The following SLC17A1 variants were observed in gnomAD, a reference collection of about 807,000 sequenced individuals.
SLC17A1 encodes solute carrier family 17 member 1, also known as sodium-dependent phosphate transport protein 1.
A neutral mutation model predicts 53.5 loss-of-function variants in SLC17A1; 51 were observed. The observed-to-expected ratio is 0.95, with a 90% CI of 0.76 to 1.20. The LOEUF is 1.20. Among genes scored for constraint, SLC17A1 ranks in the 50% most tolerant of loss-of-function variants. The probability of loss-of-function intolerance (pLI) is 0.00; values close to 1 mark genes in which losing one functional copy is unlikely to be tolerated. For synonymous variants in SLC17A1, 179 were observed against 198.8 expected (o/e 0.90, Z 0.84); for missense variants, 538 against 568.2 (o/e 0.95, Z 0.54).
intron 12 of SLC17A1, among the ~76,000 whole-genome samples, chr6:25,785,622 T>C (rs995406482): frequency 6.6e-6 from 1 of 152,136 alleles, no homozygotes; most frequent in Non-Finnish European, 1.5e-5. Flanking sequence ...CAATACACTC[T>C]TATAACCCAA....
intron 2 of SLC17A1, among the ~76,000 whole-genome samples, chr6:25,827,684 C>T (rs182133875): frequency 1.3e-5 from 2 of 152,164 alleles, no homozygotes; most frequent in African/African-American, 2.4e-5. Context: ...TGCATAATTT[C>T]GCTATTTAAG....
chr6:25,822,233 T>A (rs1440455416), intron 3 of SLC17A1, among the ~76,000 whole-genome samples: 4 of 152,146 alleles, frequency 2.6e-5, no homozygotes, highest in Non-Finnish European at 4.4e-5. Context: ...TTATTTCGTC[T>A]TTTTTTCTAA....
the SLC17A1 span, among the ~76,000 whole-genome samples, chr6:25,733,875 A>G: frequency 6.6e-6 from 1 of 150,892 alleles, no homozygotes; most frequent in Non-Finnish European, 1.5e-5. Context: ...GCTGGAGTGC[A>G]GTGGTACAAT....
At chr6:25,726,698 G>C in the SLC17A1 span, 1 of 1,067,344 alleles carries the variant, frequency 9.4e-7, no homozygotes. Flanking sequence ...ACTTCCCATT[G>C]TCCAATCAGA....
intron 10 of SLC17A1, among the ~76,000 whole-genome samples, chr6:25,808,553 A>G (rs1361700016): frequency 2.0e-5 from 3 of 151,992 alleles, no homozygotes; most frequent in South Asian, 2.1e-4. Flanking sequence ...CAACTTAACA[A>G]CAACAAAATA....
At chr6:25,754,070 C>T in the SLC17A1 span, among the ~76,000 whole-genome samples, 2 of 152,116 alleles carry the variant, frequency 1.3e-5, no homozygotes, top group African/African-American at 2.4e-5. Flanking sequence ...CAAGCACTGA[C>T]AGATGGGGCC....
At chr6:25,756,846 C>A in the SLC17A1 span, among the ~76,000 whole-genome samples, 2 of 152,110 alleles carry the variant, frequency 1.3e-5, no homozygotes, top group Non-Finnish European at 2.9e-5. Flanking sequence ...TTGGAACACT[C>A]GAAGAGTCTG....
the SLC17A1 span, among the ~76,000 whole-genome samples, chr6:25,738,833 A>G: frequency 6.6e-6 from 1 of 152,316 alleles, no homozygotes; most frequent in East Asian, 1.9e-4. Context: ...GACTAGGATG[A>G]GGTATCACTA....
chr6:25,774,463 G>C, the SLC17A1 span, among the ~76,000 whole-genome samples: 6 of 152,296 alleles, frequency 3.9e-5, no homozygotes, highest in East Asian at 1.2e-3. Flanking sequence ...ACAGAGAGCT[G>C]ACCTTCTTAG....
intron 10 of SLC17A1, among the ~76,000 whole-genome samples, chr6:25,809,360 C>T (rs1764069701): frequency 6.6e-6 from 1 of 151,960 alleles, no homozygotes; most frequent in Non-Finnish European, 1.5e-5. Context: ...ATTCACTTAA[C>T]AAAACTGTAT....
chr6:25,809,578 C>T (rs745944616), intron 10 of SLC17A1, among the ~76,000 whole-genome samples: 9 of 151,748 alleles, frequency 5.9e-5, no homozygotes, highest in Non-Finnish European at 1.0e-4. Flanking sequence ...AGGTGAAAGA[C>T]CACAATGAAA....
chr6:25,792,022 A>T (rs1165157), intron 12 of SLC17A1, among the ~76,000 whole-genome samples: 2 of 152,154 alleles, frequency 1.3e-5, no homozygotes, highest in South Asian at 4.1e-4. Context: ...CTTCAAGCCA[A>T]TTCTTCAAGA....
chr6:25,726,955 T>TA, the SLC17A1 span: 8 of 1,613,922 alleles, frequency 5.0e-6, no homozygotes, highest in Non-Finnish European at 5.9e-6. Flanking sequence ...AAGAAGGGCT[T>TA]TAAGAAAGCT....
chr6:25,830,524 C>G lies in SLC17A1; in HGVS notation c.34G>C (p.Val12Leu). The G allele has an allele frequency of 3.1e-6, 5 of 1,611,326 alleles. No homozygotes were observed. Among genetic ancestry groups the G allele is most frequent in the Non-Finnish European group, 4.2e-6 (5 of 1,177,632 alleles). ...TTAATGGAACAGAATAAAGTGCTACCTTTTTTGGGAGGCAACCGGTTATCC... is the reference window on the plus strand; with the variant it reads ...TTAATGGAACAGAATAAAGTGCTACGTTTTTTGGGAGGCAACCGGTTATCC... ...QMDNRLPPKK[V>L]PGFCSFRYGL... The change falls in exon 2 of 13, where the codon GTT (valine) becomes CTT (leucine). Residue 12 changes from valine to leucine, a missense_variant and splice_region_variant. Coordinates refer to ENST00000244527, the MANE Select transcript of SLC17A1 (RefSeq NM_005074.5).
At chr6:25,786,450 G>A (rs556956415) in intron 12 of SLC17A1, among the ~76,000 whole-genome samples, 1 of 152,136 alleles carries the variant, frequency 6.6e-6, no homozygotes, top group Non-Finnish European at 1.5e-5. Context: ...TCTCCATTTT[G>A]TTGGACCAGA....
Position 25,826,555 on chromosome 6 carries a change from G to T in SLC17A1, c.113C>A (p.Ala38Glu). The T allele has an allele frequency of 1.2e-6, 2 of 1,611,910 alleles. No individual in the cohort carries two copies. Among genetic ancestry groups the T allele is most frequent in the Non-Finnish European group, 1.7e-6 (2 of 1,178,624 alleles). Residue 38 changes from alanine (A) to glutamate (E), a missense_variant, in exon 3 of 13, where the codon GCG becomes GAG. Ala to Glu is a moderately radical substitution (Grantham distance 107). Transcript: ENST00000244527. ...GACTACCATTGTGAGGTTCAGGCAC[G>T]CACGCTGTGCTGTTATTATAACATT... ...CCNVIITAQR[A>E]CLNLTMVVMV...
At chr6:25,792,192 A>G (rs1763516314) in intron 12 of SLC17A1, among the ~76,000 whole-genome samples, 1 of 152,212 alleles carries the variant, frequency 6.6e-6, no homozygotes, top group Non-Finnish European at 1.5e-5. Context: ...ATCAGAGCTC[A>G]GCAGCCTCAG....
the SLC17A1 span, among the ~76,000 whole-genome samples, chr6:25,728,051 A>G: frequency 6.6e-6 from 1 of 152,288 alleles, no homozygotes; most frequent in East Asian, 1.9e-4. Flanking sequence ...TATAAAAGCT[A>G]CATGCTGATA....
intron 2 of SLC17A1, among the ~76,000 whole-genome samples, chr6:25,828,948 C>A (rs77990031): frequency 0.011 from 1,665 of 152,178 alleles, 18 homozygotes; most frequent in Admixed American, 0.028. Context: ...TAGTACCCAA[C>A]AAATAGTTGG....
Sources: gnomAD v4.1 joint callset for allele counts (sites outside exome capture counted in the v4.1 genomes callset) on GRCh38, gnomAD v4.1.1 for gene constraint, MANE v1.5 for transcripts, NCBI Gene and HGNC (gene_info 2026-07-23, HGNC 2026-07-21) for gene names.